The following CDK5RAP2 variants were observed in gnomAD, a reference collection of about 807,000 sequenced individuals.
The protein encoded by CDK5RAP2 is CDK5 regulatory subunit-associated protein 2.
Under a neutral mutation model 232.9 loss-of-function variants are expected in CDK5RAP2, and 147 were observed. The observed-to-expected ratio is 0.63, with a 90% confidence interval of 0.55 to 0.72. The LOEUF is 0.72. Ranked by LOEUF, CDK5RAP2 falls within the 30% of genes least tolerant of loss-of-function variation. CDK5RAP2 has a pLI of 0.00. For missense variants in CDK5RAP2, 2,195 were observed against 2,231.5 expected (o/e 0.98, Z 0.33); for synonymous variants, 833 against 833.7 (o/e 1.00, Z 0.01).
chr9:120,482,707 G>A (rs1176195006), intron 14 of CDK5RAP2, among the ~76,000 whole-genome samples: 2 of 152,154 alleles, frequency 1.3e-5, no homozygotes, highest in Non-Finnish European at 2.9e-5. Flanking sequence ...CAAATCAAAC[G>A]CTGCCACAAA....
intron 17 of CDK5RAP2, 103 bp from the exon 18 acceptor site, chr9:120,468,100 C>T (rs900865620): frequency 1.9e-4 from 214 of 1,127,484 alleles, no homozygotes; most frequent in Admixed American, 5.3e-5. Flanking sequence ...TTTGGCACCA[C>T]AGTTACGGGG....
rs777004040 is a variant in CDK5RAP2 at position 120,409,333 on chromosome 9, G to T, written c.4415-17C>A. On this transcript the variant is annotated splice_polypyrimidine_tract_variant and intron_variant, in intron 29 of 37. Coordinates refer to ENST00000349780, the MANE Select transcript of CDK5RAP2 (RefSeq NM_018249.6). ...TCTGTTTATCTGCAAACATAAAAAG[G>T]TGCCACTGAGAAGGGCCACCATTTG... 35 of 1,559,346 alleles carry T rather than the reference G, an allele frequency of 2.2e-5. No homozygotes were observed. In the South Asian group the frequency reaches 4.0e-4, roughly 18 times the overall value.
intron 28 of CDK5RAP2, among the ~76,000 whole-genome samples, chr9:120,414,681 A>T (rs1270575737): frequency 1.3e-5 from 2 of 152,230 alleles, no homozygotes; most frequent in African/African-American, 4.8e-5. Flanking sequence ...TAAGTTCTTC[A>T]TGGACGATCA....
Position 120,389,181 on chromosome 9 carries a change from GA to G in CDK5RAP2, c.*54del, listed in dbSNP as rs2031676240. On this transcript the variant is annotated 3_prime_UTR_variant, in exon 38 of 38. Transcript: ENST00000349780. ...AAATAGGAACCACACTTGGAACAAA[GA>G]GACAGCGTGAGCTCGGTGGGGGAAG... 6 of 1,420,594 alleles carry G rather than the reference GA, an allele frequency of 4.2e-6. No individual in the cohort carries two copies. In the South Asian group the frequency reaches 7.1e-5, roughly 17 times the overall value. 88.0% of individuals were successfully genotyped at this position (1,420,594 alleles called of 1,614,324 possible).
intron 15 of CDK5RAP2, 94 bp downstream of exon 15, chr9:120,477,256 A>G: frequency 1.0e-6 from 1 of 971,762 alleles, no homozygotes; most frequent in Non-Finnish European, 1.7e-6. Flanking sequence ...GCTGCCTTAG[A>G]GATCAGCACT....
rs1361843903 is a variant in CDK5RAP2 at position 120,407,135 on chromosome 9, T to C, written c.4840A>G (p.Thr1614Ala). Residue 1614 changes from threonine to alanine, a missense_variant, in exon 32 of 38, where the codon ACT becomes GCT. Coordinates refer to ENST00000349780, the MANE Select transcript of CDK5RAP2 (RefSeq NM_018249.6). Reference sequence around the variant, plus strand: ...TGTTCCTTGAGCCTGCTCTGCAGAGTGCTGCTGGTTTCGATGCTCCTTTCT... The same window carrying C: ...TGTTCCTTGAGCCTGCTCTGCAGAGCGCTGCTGGTTTCGATGCTCCTTTCT... The part of the protein sequence containing the change: ...QLERSIETSS[T>A]LQSRLKEQLA... The C allele has an allele frequency of 1.2e-6, 2 of 1,614,016 alleles. No homozygotes were observed. The highest frequency in any genetic ancestry group is 1.7e-6 in the Non-Finnish European group (2 of 1,180,006).
Position 120,439,335 on chromosome 9 carries a change from C to T in CDK5RAP2, c.3722+64G>A, listed in dbSNP as rs113881398. The T allele has an allele frequency of 2.3e-4, 304 of 1,339,142 alleles. 2 individuals are homozygous for T. In the African/African-American group the frequency reaches 3.1e-3, roughly 14 times the overall value. 83.0% of individuals were successfully genotyped at this position (1,339,142 alleles called of 1,614,324 possible). On this transcript the variant is annotated intron_variant, in intron 24 of 37. Coordinates refer to ENST00000349780, the MANE Select transcript of CDK5RAP2 (RefSeq NM_018249.6). ...GTGTTCTCTTTTAGCTCATGGGCTC[C>T]CACCTAGTGGCAATACTGGGGGACT...
At chr9:120,548,142 T>C (rs1254263421) in intron 4 of CDK5RAP2, among the ~76,000 whole-genome samples, 1 of 152,222 alleles carries the variant, frequency 6.6e-6, no homozygotes, top group East Asian at 1.9e-4. Flanking sequence ...AAGTCATCTA[T>C]GAGGCAGAAC....
Position 120,394,481 on chromosome 9 carries a change from AGGCATAGCGGCCAC to A in CDK5RAP2, c.5578+17_5578+30del. The A allele has an allele frequency of 6.2e-7, 1 of 1,613,930 alleles. No individual in the cohort carries two copies. Among genetic ancestry groups the A allele is most frequent in the Non-Finnish European group, 8.5e-7 (1 of 1,180,038 alleles). Reference sequence around the variant, plus strand: ...GAGCCCTCGGAGGCAGGAAGTGGTCAGGCATAGCGGCCACCCCCACACTCACTCACATTGATCAA... The same window carrying A: ...GAGCCCTCGGAGGCAGGAAGTGGTCACCCCACACTCACTCACATTGATCAA... On this transcript the variant is annotated intron_variant, in intron 36 of 37. Transcript: ENST00000349780.
intron 26 of CDK5RAP2, among the ~76,000 whole-genome samples, chr9:120,421,785 T>A (rs558369256): frequency 6.6e-6 from 1 of 152,320 alleles, no homozygotes; most frequent in African/African-American, 2.4e-5. Flanking sequence ...GTAGAGATAT[T>A]CAAGACATAG....
intron 9 of CDK5RAP2, 133 bp downstream of exon 9, chr9:120,528,611 C>T: frequency 1.4e-6 from 1 of 708,780 alleles, no homozygotes; most frequent in South Asian, 1.5e-5. Flanking sequence ...GTACCTTATG[C>T]TTGACTGGCA....
chr9:120,453,854 C>A lies in CDK5RAP2; in HGVS notation c.2395G>T (p.Val799Leu). The change falls in exon 21 of 38, where the codon GTA becomes TTA. Residue 799 changes from valine (V) to leucine (L), a missense_variant. By Grantham distance (32) the Val-to-Leu change is conservative (BLOSUM62 1). Transcript: ENST00000349780. ...LESRPDLLKV[V>L]RELLLGQLFL... is the part of the protein sequence containing the mutation. The stretch of plus-strand genomic sequence containing the variant: ...AGTTGTCCCAGAAGCAGTTCCCGTA[C>A]CACTTTCAGAAGGTCTGGCCTGTTT... 1 of 1,614,202 alleles carries A rather than the reference C, an allele frequency of 6.2e-7. No homozygotes were observed. Among genetic ancestry groups the A allele is most frequent in the Middle Eastern group, 1.6e-4 (1 of 6,062 alleles).
At position 120,527,859 on chromosome 9, in the gene CDK5RAP2, T is replaced by C. The variant is rs751915140; in HGVS notation, c.946A>G (p.Arg316Gly). 1 of 1,613,852 alleles carries C rather than the reference T, an allele frequency of 6.2e-7. No individual in the cohort carries two copies. Among genetic ancestry groups the C allele is most frequent in the Non-Finnish European group, 8.5e-7 (1 of 1,179,862 alleles). Residue 316 changes from arginine (R) to glycine (G), a missense_variant, in exon 10 of 38, where the codon AGG (arginine) becomes GGG (glycine). By Grantham distance (125) the Arg-to-Gly change is moderately radical (BLOSUM62 -2). Transcript: ENST00000349780. ...IATEKKNSLK[R>G]DKAIQGLTMA... ...GTTAAACCCTGAATGGCTTTATCCC[T>C]CTTTAGACTATTTTTCTTCTCTGTA...
intron 25 of CDK5RAP2, among the ~76,000 whole-genome samples, chr9:120,430,837 C>T (rs1210152135): frequency 6.6e-6 from 1 of 152,104 alleles, no homozygotes; most frequent in African/African-American, 2.4e-5. Context: ...GCACTATTCA[C>T]AATAGCAAAG....
chr9:120,424,070 T>TATTA (rs1402914665), intron 25 of CDK5RAP2, among the ~76,000 whole-genome samples: 1 of 152,216 alleles, frequency 6.6e-6, no homozygotes, highest in Non-Finnish European at 1.5e-5. Context: ...GGCTCTTTAA[T>TATTA]ATCTACTATC....
At chr9:120,481,608 G>A (rs2038318208) in intron 14 of CDK5RAP2, among the ~76,000 whole-genome samples, 1 of 151,186 alleles carries the variant, frequency 6.6e-6, no homozygotes, top group Non-Finnish European at 1.5e-5. Flanking sequence ...CACCTCCCAG[G>A]TTCAAGCAAT....
At chr9:120,407,411 T>C (rs886556716) in intron 31 of CDK5RAP2, 163 bp from the exon 32 acceptor site, 26 of 662,886 alleles carry the variant, frequency 3.9e-5, no homozygotes, top group Non-Finnish European at 6.6e-5. Flanking sequence ...AACAAAAATA[T>C]TGGCAGACTT....
At chr9:120,556,087 G>T (rs1358025986) in intron 3 of CDK5RAP2, among the ~76,000 whole-genome samples, 1 of 152,114 alleles carries the variant, frequency 6.6e-6, no homozygotes, top group African/African-American at 2.4e-5. Flanking sequence ...TGATATTACG[G>T]AACTGTTCTA....
chr9:120,439,352 TG>T, intron 24 of CDK5RAP2, 46 bp downstream of exon 24: 1 of 1,487,144 alleles, frequency 6.7e-7, no homozygotes, highest in Non-Finnish European at 9.4e-7. Flanking sequence ...GTGGCAATAC[TG>T]GGGGACTACA....
Sources: allele counts gnomAD v4.1 joint callset (sites outside exome capture counted in the v4.1 genomes callset), GRCh38; gene constraint gnomAD v4.1.1; transcripts MANE v1.5; gene names NCBI Gene and HGNC (gene_info 2026-07-23, HGNC 2026-07-21).